ABLIM2: variants seen among roughly 807,000 people sequenced by gnomAD.
ABLIM2 encodes the protein actin-binding LIM protein 2.
ABLIM2 carries 53 observed loss-of-function variants against 97.7 expected under a neutral mutation model. That is an observed-to-expected ratio of 0.54 (90% CI 0.44 to 0.68). The LOEUF is 0.68. Among genes scored for constraint, ABLIM2 ranks in the 30% least tolerant of loss-of-function variants. The pLI is 0.00. For synonymous variants in ABLIM2, 361 were observed against 345.8 expected (o/e 1.04, Z -0.49); for missense variants, 835 against 867.2 (o/e 0.96, Z 0.47).
chr4:8,045,725 G>C (rs1791929473), intron 8 of ABLIM2, among the ~76,000 whole-genome samples: 1 of 152,178 alleles, frequency 6.6e-6, no homozygotes, highest in Non-Finnish European at 1.5e-5. Context: ...ACACAGGCTT[G>C]GATGAATGAC....
chr4:8,117,560 C>A (rs1469571917), intron 1 of ABLIM2, among the ~76,000 whole-genome samples: 2 of 152,006 alleles, frequency 1.3e-5, no homozygotes, highest in East Asian at 3.9e-4. Context: ...ACCAGAGGCT[C>A]CACCCCCAGC....
intron 1 of ABLIM2, among the ~76,000 whole-genome samples, chr4:8,158,121 C>G (rs1002860689): frequency 6.6e-6 from 1 of 152,292 alleles, no homozygotes; most frequent in South Asian, 2.1e-4. Flanking sequence ...GGGCTGGAGA[C>G]GCGCAGAGAT....
intron 20 of ABLIM2, among the ~76,000 whole-genome samples, chr4:7,969,557 A>G (rs1322341206): frequency 6.6e-6 from 1 of 152,168 alleles, no homozygotes. Flanking sequence ...TGAAAAGTGT[A>G]AACCATTGCC....
intron 16 of ABLIM2, chr4:7,994,082 T>TAAAAGACCTG (rs1560478001): frequency 1.6e-4 from 10 of 62,474 alleles, no homozygotes; most frequent in Admixed American, 2.4e-4. Flanking sequence ...GAAGCATTCT[T>TAAAAGACCTG]TTTTTTTTTT....
rs1415093410 is a variant in ABLIM2, at chr4:8,010,591, T to C, written c.1424-1489A>G. ...CAAAATTGAAGACTGAGCAGTTCCG[T>C]TCCGAATACACTAACATCTCGTTAC... On this transcript the variant is annotated intron_variant, in intron 14 of 20. Coordinates refer to ENST00000447017, the MANE Select transcript of ABLIM2 (RefSeq NM_001130083.2). The C allele has an allele frequency of 3.0e-6, 3 of 984,380 alleles. No homozygotes were observed. In the African/African-American group the frequency reaches 5.2e-5, roughly 17 times the overall value. 61.0% of individuals were successfully genotyped at this position (984,380 alleles called of 1,614,324 possible). A position where few individuals can be genotyped will look rare whatever the true frequency, so the allele number is the denominator to read the frequency against.
intron 2 of ABLIM2, among the ~76,000 whole-genome samples, chr4:8,097,835 C>T (rs1342508029): frequency 1.3e-5 from 2 of 152,250 alleles, no homozygotes; most frequent in East Asian, 3.9e-4. Context: ...CCTCATGGCC[C>T]TCGACGCCTG....
chr4:8,012,544 A>G (rs892374051), intron 14 of ABLIM2, among the ~76,000 whole-genome samples: 2 of 131,604 alleles, frequency 1.5e-5, no homozygotes, highest in African/African-American at 5.9e-5. Context: ...TAATCCATCC[A>G]TCTACCCACT....
rs767122599 is a variant in ABLIM2, at chr4:8,054,151, G to T, written c.822+37C>A. 1 of 1,607,568 alleles carries T rather than the reference G, an allele frequency of 6.2e-7. No individual in the cohort carries two copies. The highest frequency in any genetic ancestry group is 8.5e-7 in the Non-Finnish European group (1 of 1,174,034). ...TGTACAAAGATGGTGCAGGAGCAGT[G>T]AAGGGTACATCAGAGACACCAGTGA... On this transcript the variant is annotated intron_variant, in intron 8 of 20. Coordinates refer to ENST00000447017, the MANE Select transcript of ABLIM2 (RefSeq NM_001130083.2). The surrounding 1 kb of genome is among the most constrained non-coding windows in gnomAD (Gnocchi z 4.9).
rs115871863 is a variant in ABLIM2, at chr4:8,104,015, G to C, written c.154+2479C>G. 3.7e-3 allele frequency among the ~76,000 whole-genome samples: 570 copies of C among 152,382 alleles called. 1 individual carries two copies. The highest frequency in any genetic ancestry group is 6.8e-3 in the Middle Eastern group (2 of 294). ...AATTGCACCAGCTAAATCCCACGAT[G>C]CCCTGGAAAGCCCTAATGAAAAGCA... On this transcript the variant is annotated intron_variant, in intron 2 of 20. Coordinates refer to ENST00000447017, the MANE Select transcript of ABLIM2 (RefSeq NM_001130083.2).
At position 8,075,454 on chromosome 4, in the gene ABLIM2, C is replaced by T. The variant is rs530425946; in HGVS notation, c.675+2174G>A. On this transcript the variant is annotated intron_variant, in intron 6 of 20. Coordinates refer to ENST00000447017, the MANE Select transcript of ABLIM2 (RefSeq NM_001130083.2). This position sits in a 1 kb window ranked among gnomAD's most constrained non-coding sequence, Gnocchi z 4.4. ...ACACCTGTAATCCCAGCACTTTGGGCGGTGAAGGCAGGTGAATTGCTTAAG... is the reference window on the plus strand; with the variant it reads ...ACACCTGTAATCCCAGCACTTTGGGTGGTGAAGGCAGGTGAATTGCTTAAG... Among the ~76,000 whole-genome samples the T allele has an allele frequency of 3.3e-5, 5 of 152,144 alleles. No individual in the cohort carries two copies. Among genetic ancestry groups the T allele is most frequent in the Admixed American group, 6.6e-5 (1 of 15,266 alleles).
chr4:8,093,925 T>C (rs1830130735), intron 3 of ABLIM2, among the ~76,000 whole-genome samples: 1 of 152,236 alleles, frequency 6.6e-6, no homozygotes, highest in Non-Finnish European at 1.5e-5. Flanking sequence ...AGCAATTACT[T>C]CCTTAAACAC....
chr4:8,136,526 G>A (rs1303572680), intron 1 of ABLIM2, among the ~76,000 whole-genome samples: 1 of 152,216 alleles, frequency 6.6e-6, no homozygotes, highest in Non-Finnish European at 1.5e-5. Flanking sequence ...TAGACATGGG[G>A]GAAGGGCTCT....
chr4:7,999,651 C>T lies in ABLIM2; in HGVS notation c.1619-6724G>A, dbSNP rs1025096213. Among the ~76,000 whole-genome samples, 2 of 152,094 alleles carry T rather than the reference C, an allele frequency of 1.3e-5. No homozygotes were observed. Among genetic ancestry groups the T allele is most frequent in the African/African-American group, 2.4e-5 (1 of 41,396 alleles). ...ATGGAAGCAGACAGCCTTCAAGAGGCGGGGTGTGTGTAGTACAGAGAGAGA... is the reference window on the plus strand; with the variant it reads ...ATGGAAGCAGACAGCCTTCAAGAGGTGGGGTGTGTGTAGTACAGAGAGAGA... On this transcript the variant is annotated intron_variant, in intron 16 of 20. Coordinates refer to ENST00000447017, the MANE Select transcript of ABLIM2 (RefSeq NM_001130083.2). The surrounding 1 kb of genome is among the most constrained non-coding windows in gnomAD (Gnocchi z 4.4).
rs956282352 is a variant in ABLIM2, at chr4:8,132,662, T to C, written c.10+26018A>G. ...GCTGCACATCATGAAGCACGGCCCC[T>C]ACCCCGCTGTCTTCCCTCGGGTGAC... On this transcript the variant is annotated intron_variant, in intron 1 of 20. Transcript: ENST00000447017. This position sits in a 1 kb window ranked among gnomAD's most constrained non-coding sequence, Gnocchi z 8.0. 6.6e-6 allele frequency among the ~76,000 whole-genome samples: 1 copy of C among 152,206 alleles called. No individual in the cohort carries two copies. Among genetic ancestry groups the C allele is most frequent in the Admixed American group, 6.5e-5 (1 of 15,284 alleles).
At chr4:8,154,581 A>G (rs1043007962) in intron 1 of ABLIM2, among the ~76,000 whole-genome samples, 3 of 152,170 alleles carry the variant, frequency 2.0e-5, no homozygotes, top group African/African-American at 7.2e-5. Flanking sequence ...CACCCGGCCA[A>G]TTAAACCTGT....
chr4:8,004,552 C>T lies in ABLIM2; in HGVS notation c.1618+3507G>A, dbSNP rs1172300784. Among the ~76,000 whole-genome samples the T allele has an allele frequency of 6.6e-6, 1 of 152,084 alleles. No homozygotes were observed. The highest frequency in any genetic ancestry group is 1.5e-5 in the Non-Finnish European group (1 of 68,014). ...CGGGGGTTTGTATTATGCTGACACGCCTCTGACCTTCGAGGGTGGGACGTG... is the reference window on the plus strand; with the variant it reads ...CGGGGGTTTGTATTATGCTGACACGTCTCTGACCTTCGAGGGTGGGACGTG... On this transcript the variant is annotated intron_variant, in intron 16 of 20. Transcript: ENST00000447017. This position sits in a 1 kb window ranked among gnomAD's most constrained non-coding sequence, Gnocchi z 5.9.
rs1160556178 is a variant in ABLIM2, at chr4:8,015,754, G to C, written c.1423+3864C>G. On this transcript the variant is annotated intron_variant, in intron 14 of 20. Coordinates refer to ENST00000447017, the MANE Select transcript of ABLIM2 (RefSeq NM_001130083.2). The surrounding 1 kb of genome is among the most constrained non-coding windows in gnomAD (Gnocchi z 4.6). ...CCATCTGGTGGCTCATGTTTGCTTA[G>C]AAATGAAACAGCAAATCTGGTGAAC... Among the ~76,000 whole-genome samples the C allele has an allele frequency of 6.6e-6, 1 of 152,130 alleles. No individual in the cohort carries two copies. The highest frequency in any genetic ancestry group is 1.5e-5 in the Non-Finnish European group (1 of 68,020).
rs1047919767 is a variant in ABLIM2 at position 8,082,633 on chromosome 4, T to C, written c.455-1831A>G. ...CACTGTGCACATTCACATGCTACTT[T>C]GGAAAACAGCCAGAGAGCAGATTCA... On this transcript the variant is annotated intron_variant, in intron 4 of 20. Transcript: ENST00000447017. The surrounding 1 kb of genome is among the most constrained non-coding windows in gnomAD (Gnocchi z 5.6). Among the ~76,000 whole-genome samples the C allele has an allele frequency of 9.9e-5, 15 of 152,234 alleles. No individual in the cohort carries two copies. Among genetic ancestry groups the C allele is most frequent in the Admixed American group, 9.2e-4 (14 of 15,286 alleles).
In ABLIM2 at chr4:8,036,115, C is replaced by A. The variant is rs748981275; in HGVS notation, c.1047+34G>T. The A allele has an allele frequency of 5.0e-6, 8 of 1,609,180 alleles. No individual in the cohort carries two copies. The Middle Eastern group carries it at 1.2e-3, about 235-fold the overall frequency. ...TCCTGCAGGGCAGCACTTGGGGACACAGGTGTCCAGGGCCATGTGGGCAGG... is the reference window on the plus strand; with the variant it reads ...TCCTGCAGGGCAGCACTTGGGGACAAAGGTGTCCAGGGCCATGTGGGCAGG... On this transcript the variant is annotated intron_variant, in intron 10 of 20. Coordinates refer to ENST00000447017, the MANE Select transcript of ABLIM2 (RefSeq NM_001130083.2).
Sources: gnomAD v4.1 joint callset for allele counts (sites outside exome capture counted in the v4.1 genomes callset) on GRCh38, gnomAD v4.1.1 for gene constraint, Gnocchi (gnomAD v3.1) non-coding constraint, MANE v1.5 for transcripts, NCBI Gene and HGNC (gene_info 2026-07-23, HGNC 2026-07-21) for gene names.